TRABD2A: variants seen among roughly 807,000 people sequenced by gnomAD.
TRABD2A encodes TraB domain containing 2A, also known as metalloprotease TIKI1.
In TRABD2A, 43 loss-of-function variants were observed where a neutral mutation model predicts 45.6. That is an observed-to-expected ratio of 0.94 (90% CI 0.74 to 1.22). The LOEUF is 1.22. TRABD2A is among the 50% of genes most tolerant of loss of function. The pLI, the probability that TRABD2A is intolerant of heterozygous loss-of-function variation, is 0.00. For synonymous variants in TRABD2A, 269 were observed against 265.0 expected (o/e 1.02, Z -0.15); for missense variants, 642 against 652.4 (o/e 0.98, Z 0.17).
In TRABD2A at chr2:84,830,984, C is replaced by T. The variant is rs771729585; in HGVS notation, c.1082+1071G>A. Among the ~76,000 whole-genome samples the T allele has an allele frequency of 4.6e-5, 7 of 152,024 alleles. No individual in the cohort carries two copies. Among genetic ancestry groups the T allele is most frequent in the Admixed American group, 3.9e-4 (6 of 15,276 alleles). Reference sequence around the variant, plus strand: ...GGAGAGGGGGCTGCTGACCACAGATCGGGAGGCAGTGGGGGCCAGAGGAAT... The same window carrying T: ...GGAGAGGGGGCTGCTGACCACAGATTGGGAGGCAGTGGGGGCCAGAGGAAT... On this transcript the variant is annotated intron_variant, in intron 5 of 6. Coordinates refer to ENST00000409520, the MANE Select transcript of TRABD2A (RefSeq NM_001277053.2). The surrounding 1 kb of genome is among the most constrained non-coding windows in gnomAD (Gnocchi z 4.9).
intron 1 of TRABD2A, among the ~76,000 whole-genome samples, chr2:84,878,139 T>G (rs1683086094): frequency 6.6e-6 from 1 of 152,064 alleles, no homozygotes; most frequent in African/African-American, 2.4e-5. Context: ...AGAAACTCAT[T>G]GAGAGACGCT....
chr2:84,839,926 TGTGACAATCAGC>T (rs1559087668), intron 3 of TRABD2A, among the ~76,000 whole-genome samples: 2 of 152,180 alleles, frequency 1.3e-5, no homozygotes, highest in African/African-American at 4.8e-5. Flanking sequence ...GCATCAAAAT[TGTGACAATCAGC>T]GTGGTTCTTG....
At chr2:84,873,706 T>C (rs1286326419) in intron 1 of TRABD2A, among the ~76,000 whole-genome samples, 3 of 152,260 alleles carry the variant, frequency 2.0e-5, no homozygotes, top group Non-Finnish European at 4.4e-5. Context: ...TTGACAGTTA[T>C]GTCTTTGGTT....
At chr2:84,861,602 G>C (rs768494816) in intron 2 of TRABD2A, among the ~76,000 whole-genome samples, 1 of 152,172 alleles carries the variant, frequency 6.6e-6, no homozygotes, top group Non-Finnish European at 1.5e-5. Flanking sequence ...GGTGATTGGG[G>C]ACCCCTGCTC....
intron 2 of TRABD2A, among the ~76,000 whole-genome samples, chr2:84,844,793 C>T (rs1323371665): frequency 1.3e-5 from 2 of 152,234 alleles, no homozygotes; most frequent in African/African-American, 2.4e-5. Context: ...ATTCTGTCTC[C>T]ATCTAACTCA....
chr2:84,824,832 C>T (rs1681106798), intron 5 of TRABD2A, among the ~76,000 whole-genome samples: 1 of 152,182 alleles, frequency 6.6e-6, no homozygotes, highest in Non-Finnish European at 1.5e-5. Context: ...CAGGAAGAGG[C>T]TCTCAGGGCT....
intron 1 of TRABD2A, 73 bp from the exon 2 acceptor site, chr2:84,870,858 G>T: frequency 7.4e-7 from 1 of 1,344,756 alleles, no homozygotes; most frequent in Non-Finnish European, 1.0e-6. Flanking sequence ...GAGAGGAAAT[G>T]AATCAGTCAC....
chr2:84,843,758 T>G (rs1299194594), intron 2 of TRABD2A: 2 of 152,192 alleles, frequency 1.3e-5, no homozygotes, highest in Admixed American at 1.3e-4. Context: ...AAAAAGGTCC[T>G]TATAAAGAGG....
chr2:84,858,220 T>C (rs1682378943), intron 2 of TRABD2A, among the ~76,000 whole-genome samples: 1 of 152,120 alleles, frequency 6.6e-6, no homozygotes, highest in South Asian at 2.1e-4. Context: ...AGCCGTTCTA[T>C]GCATAGAACA....
chr2:84,872,541 A>T (rs1409796169), intron 1 of TRABD2A, among the ~76,000 whole-genome samples: 2 of 151,858 alleles, frequency 1.3e-5, no homozygotes, highest in African/African-American at 4.8e-5. Flanking sequence ...GACTAGAGGG[A>T]GGGAGGGAAG....
chr2:84,866,071 G>A (rs1240773270), intron 2 of TRABD2A, among the ~76,000 whole-genome samples: 6 of 152,204 alleles, frequency 3.9e-5, no homozygotes, highest in African/African-American at 1.4e-4. Flanking sequence ...GTCCTAACCT[G>A]TTGCCAGACT....
chr2:84,839,302 T>C lies in TRABD2A; in HGVS notation c.838A>G (p.Thr280Ala), dbSNP rs1273765193. The C allele has an allele frequency of 4.3e-6, 7 of 1,609,882 alleles. 1 individual carries two copies. In the South Asian group the frequency reaches 4.4e-5, roughly 10 times the overall value. Residue 280 changes from threonine (T) to alanine (A), a missense_variant, in exon 4 of 7, where the codon ACG becomes GCG. Coordinates refer to ENST00000409520, the MANE Select transcript of TRABD2A (RefSeq NM_001277053.2). ...GTGATGCGCTCCTGAGGTGGTAGCG[T>C]GGCATTAATAAAATTGGGAACCTCC... Reference protein sequence around the residue: ...SSQVPNFINATLPPQERITAQ... With the variant: ...SSQVPNFINAALPPQERITAQ...
rs1683189845 is a variant in TRABD2A at position 84,881,045 on chromosome 2, T to C, written c.-6A>G. 1 of 1,592,796 alleles carries C rather than the reference T, an allele frequency of 6.3e-7. No homozygotes were observed. The highest frequency in any genetic ancestry group is 2.3e-5 in the East Asian group (1 of 43,826). Reference sequence around the variant, plus strand: ...AACCAGCTCCAGGGACTCATCCTCCTCAAGGCGGCTCCGAGGCCCGGAACG... The same window carrying C: ...AACCAGCTCCAGGGACTCATCCTCCCCAAGGCGGCTCCGAGGCCCGGAACG... On this transcript the variant is annotated 5_prime_UTR_variant, in exon 1 of 7. Coordinates refer to ENST00000409520, the MANE Select transcript of TRABD2A (RefSeq NM_001277053.2).
chr2:84,869,502 C>A (rs1266924722), intron 2 of TRABD2A, among the ~76,000 whole-genome samples: 1 of 152,148 alleles, frequency 6.6e-6, no homozygotes, highest in Non-Finnish European at 1.5e-5. Context: ...AGGAACTGTC[C>A]TGGGGCAGTG....
chr2:84,841,224 G>A (rs922221163), intron 3 of TRABD2A, among the ~76,000 whole-genome samples: 4 of 152,214 alleles, frequency 2.6e-5, no homozygotes, highest in African/African-American at 7.2e-5. Flanking sequence ...GCATAACAAA[G>A]ATCCGTACCA....
chr2:84,856,067 T>C (rs924478529), intron 2 of TRABD2A, among the ~76,000 whole-genome samples: 1 of 152,194 alleles, frequency 6.6e-6, no homozygotes, highest in Non-Finnish European at 1.5e-5. Flanking sequence ...CCTCACCTTC[T>C]GGAGTGTGGA....
At chr2:84,877,082 C>G (rs1683047154) in intron 1 of TRABD2A, among the ~76,000 whole-genome samples, 1 of 152,216 alleles carries the variant, frequency 6.6e-6, no homozygotes, top group African/African-American at 2.4e-5. Flanking sequence ...CGGATTCCCA[C>G]TGTGTGCACC....
chr2:84,868,812 C>T (rs114301792), intron 2 of TRABD2A, among the ~76,000 whole-genome samples: 2,247 of 152,324 alleles, frequency 0.015, 55 homozygotes, highest in African/African-American at 0.051. Flanking sequence ...AAAATGCTCA[C>T]CAATTTCAAA....
intron 5 of TRABD2A, among the ~76,000 whole-genome samples, chr2:84,827,758 C>T (rs1351053250): frequency 1.3e-5 from 2 of 152,172 alleles, no homozygotes; most frequent in Non-Finnish European, 2.9e-5. Flanking sequence ...GCAGAGAACC[C>T]GTCTGTGGTC....
Sources: gnomAD v4.1 joint callset for allele counts (sites outside exome capture counted in the v4.1 genomes callset) on GRCh38, gnomAD v4.1.1 for gene constraint, Gnocchi (gnomAD v3.1) non-coding constraint, MANE v1.5 for transcripts, NCBI Gene and HGNC (gene_info 2026-07-23, HGNC 2026-07-21) for gene names.